The following SLC14A2 variants were observed in gnomAD, a reference collection of about 807,000 sequenced individuals.
The protein encoded by SLC14A2 is solute carrier family 14 member 2.
SLC14A2 carries 91 observed loss-of-function variants against 104.6 expected under a neutral mutation model. That is an observed-to-expected ratio of 0.87 (90% CI 0.73 to 1.04). The LOEUF (loss-of-function observed/expected upper bound fraction) is 1.04, where lower values mean the gene tolerates loss of function less well. Ranked by LOEUF, SLC14A2 falls within the 50% of genes least tolerant of loss-of-function variation. The pLI is 0.00. For synonymous variants in SLC14A2, 476 were observed against 466.4 expected (o/e 1.02, Z -0.27); for missense variants, 1,189 against 1,156.0 (o/e 1.03, Z -0.41).
chr18:45,175,118 G>A, the SLC14A2 span, among the ~76,000 whole-genome samples: 1 of 152,080 alleles, frequency 6.6e-6, no homozygotes, highest in Non-Finnish European at 1.5e-5. Context: ...TCCCAGTCCT[G>A]GGAATTTATC....
the SLC14A2 span, among the ~76,000 whole-genome samples, chr18:45,196,451 C>T: frequency 2.0e-5 from 3 of 152,302 alleles, no homozygotes; most frequent in East Asian, 5.8e-4. Flanking sequence ...AGCTGTGATT[C>T]TCTGAAGTGG....
intron 2 of SLC14A2, among the ~76,000 whole-genome samples, chr18:45,559,169 G>A (rs986354579): frequency 1.3e-5 from 2 of 152,126 alleles, no homozygotes; most frequent in African/African-American, 4.8e-5. Context: ...GTTCTCTCAG[G>A]GGGCTCATAG....
chr18:45,393,792 A>G lies in SLC14A2; in HGVS notation c.-124-89441A>G, dbSNP rs553908436. 2.6e-5 allele frequency among the ~76,000 whole-genome samples: 4 copies of G among 152,306 alleles called. No homozygotes were observed. The South Asian group carries it at 8.3e-4, about 32-fold the overall frequency. On this transcript the variant is annotated intron_variant, in intron 1 of 20. Transcript: ENST00000586448. The stretch of plus-strand genomic sequence containing the variant: ...TTTCTACCAGTGACTTACCCTTTTC[A>G]GAGCAGCAGCCAACACTCACTGAGT...
the SLC14A2 span, among the ~76,000 whole-genome samples, chr18:45,185,299 T>C: frequency 0.36 from 55,323 of 152,048 alleles, 11,173 homozygotes; most frequent in Non-Finnish European, 0.47. Flanking sequence ...CACATTGAAT[T>C]GTTCATGGTC....
chr18:45,401,011 C>T (rs1196379727), intron 1 of SLC14A2, among the ~76,000 whole-genome samples: 1 of 152,114 alleles, frequency 6.6e-6, no homozygotes, highest in African/African-American at 2.4e-5. Flanking sequence ...CCCAAGGATC[C>T]CTTGTTCTTT....
At position 45,681,209 on chromosome 18, in the gene SLC14A2, G is replaced by T. The variant is rs2046305595; in HGVS notation, c.2563-1110G>T. 1.5e-4 allele frequency among the ~76,000 whole-genome samples: 2 copies of T among 13,678 alleles called. 1 individual carries two copies. The highest frequency in any genetic ancestry group is 3.0e-3 in the Admixed American group (2 of 672). 9.0% of individuals were successfully genotyped at this position (13,678 alleles called of 152,430 possible). A position where few individuals can be genotyped will look rare whatever the true frequency, so the allele number is the denominator to read the frequency against. On this transcript the variant is annotated intron_variant, in intron 19 of 19. Transcript: ENST00000255226. Reference sequence around the variant, plus strand: ...CTCCCAAGTAGCTGGGACTACAGGCGCCCGCCACTACGCCCGGCTAATTTT... The same window carrying T: ...CTCCCAAGTAGCTGGGACTACAGGCTCCCGCCACTACGCCCGGCTAATTTT...
intron 1 of SLC14A2, among the ~76,000 whole-genome samples, chr18:45,217,667 T>G (rs960636261): frequency 5.9e-5 from 9 of 152,208 alleles, no homozygotes; most frequent in African/African-American, 2.2e-4. Context: ...TCTTGTAAGA[T>G]TTATAAATTA....
chr18:45,569,192 C>A (rs1201298404), intron 2 of SLC14A2, among the ~76,000 whole-genome samples: 5 of 152,114 alleles, frequency 3.3e-5, no homozygotes, highest in Non-Finnish European at 5.9e-5. Flanking sequence ...GAGCTTCAAT[C>A]TTCTATTTAT....
chr18:45,237,720 G>T (rs1354383311), intron 1 of SLC14A2, among the ~76,000 whole-genome samples: 12 of 152,166 alleles, frequency 7.9e-5, no homozygotes, highest in Admixed American at 7.2e-4. Context: ...CTCTTGTCTT[G>T]CTTGTGGGAG....
intron 2 of SLC14A2, among the ~76,000 whole-genome samples, chr18:45,518,032 A>G (rs1265337259): frequency 1.3e-5 from 2 of 151,780 alleles, no homozygotes; most frequent in Admixed American, 6.5e-5. Context: ...CATAATAATA[A>G]TAATAACTAA....
At chr18:45,243,955 G>A (rs777213718) in intron 1 of SLC14A2, among the ~76,000 whole-genome samples, 9 of 152,094 alleles carry the variant, frequency 5.9e-5, no homozygotes, top group African/African-American at 1.2e-4. Context: ...TATGGTATTC[G>A]GGGTAGATTA....
At chr18:45,364,679 G>A (rs1365918180) in intron 1 of SLC14A2, among the ~76,000 whole-genome samples, 1 of 152,146 alleles carries the variant, frequency 6.6e-6, no homozygotes, top group Non-Finnish European at 1.5e-5. Context: ...AACAACTACA[G>A]GTTTTTACAA....
At chr18:45,481,120 G>A (rs1029755369) in intron 1 of SLC14A2, among the ~76,000 whole-genome samples, 2 of 152,112 alleles carry the variant, frequency 1.3e-5, no homozygotes, top group African/African-American at 2.4e-5. Flanking sequence ...AAATTAGGAG[G>A]AGGCAGGATT....
At chr18:45,588,690 T>C (rs1265083523) in intron 2 of SLC14A2, among the ~76,000 whole-genome samples, 1 of 152,096 alleles carries the variant, frequency 6.6e-6, no homozygotes, top group Non-Finnish European at 1.5e-5. Context: ...GGCAGGGGGA[T>C]TGATTTTGTG....
Position 45,682,540 on chromosome 18 carries a change from T to C in SLC14A2, c.*21T>C, listed in dbSNP as rs747331160. The C allele has an allele frequency of 4.2e-5, 67 of 1,596,342 alleles. No individual in the cohort carries two copies. The highest frequency in any genetic ancestry group is 5.5e-5 in the Non-Finnish European group (64 of 1,163,950). ...CCTAAGTTTCCCTGTCTAAAACACA[T>C]CAGTGTAAATTCAGGCTTCAGCACG... On this transcript the variant is annotated 3_prime_UTR_variant, in exon 20 of 20. Coordinates refer to ENST00000255226, the MANE Select transcript of SLC14A2 (RefSeq NM_007163.4).
chr18:45,542,065 T>G (rs1483429214), intron 2 of SLC14A2, among the ~76,000 whole-genome samples: 9 of 142,926 alleles, frequency 6.3e-5, no homozygotes, highest in African/African-American at 2.3e-4. Context: ...TTTTTTTTTT[T>G]TTTTTTTGCT....
chr18:45,263,929 C>A (rs888599085), intron 1 of SLC14A2, among the ~76,000 whole-genome samples: 1 of 152,144 alleles, frequency 6.6e-6, no homozygotes, highest in Non-Finnish European at 1.5e-5. Flanking sequence ...CATTTAGAAA[C>A]CAAGATCTGG....
rs575298678 is a variant in SLC14A2 at position 45,629,194 on chromosome 18, G to A, written c.521+2047G>A. ...CCCAGCCGACGTTCCTCATTCCACC[G>A]AGGGAAATGCATGAGTCAGCCTGGC... On this transcript the variant is annotated intron_variant, in intron 4 of 19. Transcript: ENST00000255226. Among the ~76,000 whole-genome samples, 10 of 152,332 alleles carry A rather than the reference G, an allele frequency of 6.6e-5. 1 individual carries two copies. In the East Asian group the frequency reaches 9.6e-4, roughly 15 times the overall value.
At chr18:45,247,167 T>G (rs2084375004) in intron 1 of SLC14A2, among the ~76,000 whole-genome samples, 1 of 152,212 alleles carries the variant, frequency 6.6e-6, no homozygotes, top group Admixed American at 6.5e-5. Context: ...AAACACAAGG[T>G]AAATTCTAAG....
Sources: gnomAD v4.1 joint callset for allele counts (sites outside exome capture counted in the v4.1 genomes callset) on GRCh38, gnomAD v4.1.1 for gene constraint, MANE v1.5 for transcripts, NCBI Gene and HGNC (gene_info 2026-07-23, HGNC 2026-07-21) for gene names.